CDH12: variants seen among roughly 807,000 people sequenced by gnomAD.
The protein encoded by CDH12 is cadherin 12.
In CDH12, 41 loss-of-function variants were observed where a neutral mutation model predicts 74.1. The observed-to-expected ratio is 0.55, with a 90% CI of 0.43 to 0.72. CDH12 has a LOEUF of 0.72. Ranked by LOEUF, CDH12 falls within the 30% of genes least tolerant of loss-of-function variation. CDH12 has a pLI of 0.00. For missense variants in CDH12, 945 were observed against 977.2 expected (o/e 0.97, Z 0.44); for synonymous variants, 399 against 355.0 (o/e 1.12, Z -1.39).
At chr5:22,557,931 A>G (rs1033970023) in intron 1 of CDH12, among the ~76,000 whole-genome samples, 3 of 152,102 alleles carry the variant, frequency 2.0e-5, no homozygotes, top group Non-Finnish European at 4.4e-5. Context: ...TTTTGTCCAA[A>G]TTATTTATGT....
intron 4 of CDH12, among the ~76,000 whole-genome samples, chr5:22,132,659 G>T (rs1286825690): frequency 6.6e-6 from 1 of 151,976 alleles, no homozygotes; most frequent in Non-Finnish European, 1.5e-5. Context: ...CCCTAGGTGG[G>T]GTTCATACCT....
chr5:22,831,762 G>C (rs1212068870), intron 1 of CDH12, among the ~76,000 whole-genome samples: 1 of 151,974 alleles, frequency 6.6e-6, no homozygotes, highest in African/African-American at 2.4e-5. Flanking sequence ...GCTGGGCGCG[G>C]TGGCGAGCGC....
Position 21,829,671 on chromosome 5 carries a change from T to C in CDH12, c.814+12490A>G, listed in dbSNP as rs112120724. Among the ~76,000 whole-genome samples the C allele has an allele frequency of 3.0e-3, 461 of 152,238 alleles. 1 individual carries two copies. The highest frequency in any genetic ancestry group is 0.011 in the African/African-American group (447 of 41,530). ...ATAGAGAAATGTAAACCATGTGAAA[T>C]AAATGGTGACTTTAGGATGCTTTCA... On this transcript the variant is annotated intron_variant, in intron 8 of 14. Coordinates refer to ENST00000382254, the MANE Select transcript of CDH12 (RefSeq NM_004061.5).
chr5:21,999,369 G>T (rs2150142519), intron 5 of CDH12, among the ~76,000 whole-genome samples: 1 of 152,122 alleles, frequency 6.6e-6, no homozygotes, highest in East Asian at 1.9e-4. Flanking sequence ...TCAAAATGTG[G>T]GTCTAAAAGC....
chr5:22,429,849 T>A (rs896957481), intron 2 of CDH12, among the ~76,000 whole-genome samples: 2 of 152,124 alleles, frequency 1.3e-5, no homozygotes, highest in Non-Finnish European at 2.9e-5. Context: ...AAACAATTGG[T>A]TTTGTATAAT....
intron 3 of CDH12, among the ~76,000 whole-genome samples, chr5:22,390,832 T>G (rs1484786146): frequency 6.6e-6 from 1 of 152,140 alleles, no homozygotes; most frequent in Non-Finnish European, 1.5e-5. Flanking sequence ...ATACATAATC[T>G]TAAACATAAG....
At chr5:22,809,266 C>A (rs1411958790) in intron 1 of CDH12, among the ~76,000 whole-genome samples, 1 of 151,928 alleles carries the variant, frequency 6.6e-6, no homozygotes, top group Non-Finnish European at 1.5e-5. Flanking sequence ...AAAGTTATCA[C>A]AACTTTATCT....
At position 22,469,842 on chromosome 5, in the gene CDH12, C is replaced by G. The variant is rs138935715; in HGVS notation, c.-428+35428G>C. ...CAAACACTCTCCTTGGTAGGAAACA[C>G]AAAAGTCCTTACTGTGCAATCTCAT... On this transcript the variant is annotated intron_variant, in intron 2 of 14. Transcript: ENST00000382254. 7.6e-3 allele frequency among the ~76,000 whole-genome samples: 1,150 copies of G among 152,270 alleles called. 11 individuals carry two copies. The highest frequency in any genetic ancestry group is 0.011 in the Non-Finnish European group (737 of 68,028).
At chr5:22,456,351 T>A (rs1239549331) in intron 2 of CDH12, among the ~76,000 whole-genome samples, 5 of 152,122 alleles carry the variant, frequency 3.3e-5, no homozygotes, top group African/African-American at 1.2e-4. Flanking sequence ...CTCTCATGTG[T>A]CAGTGTGTAT....
intron 7 of CDH12, among the ~76,000 whole-genome samples, chr5:21,847,635 G>GGGTAA (rs1368228327): frequency 6.6e-6 from 1 of 151,976 alleles, no homozygotes; most frequent in African/African-American, 2.4e-5. Context: ...ATTACACGGA[G>GGGTAA]TCTACCCATA....
chr5:22,794,081 C>T (rs1328202993), intron 1 of CDH12, among the ~76,000 whole-genome samples: 1 of 152,150 alleles, frequency 6.6e-6, no homozygotes, highest in African/African-American at 2.4e-5. Flanking sequence ...CTCTCAAACC[C>T]CCCACATCTG....
At chr5:22,686,158 T>A (rs1411152903) in intron 1 of CDH12, among the ~76,000 whole-genome samples, 1 of 152,150 alleles carries the variant, frequency 6.6e-6, no homozygotes, top group African/African-American at 2.4e-5. Context: ...TGATATGGAA[T>A]GTCTTTTTAT....
At chr5:22,310,555 C>A (rs1211633782) in intron 3 of CDH12, among the ~76,000 whole-genome samples, 5 of 151,904 alleles carry the variant, frequency 3.3e-5, no homozygotes, top group Non-Finnish European at 7.4e-5. Flanking sequence ...TAATTTGATT[C>A]CACCACAGTT....
intron 3 of CDH12, among the ~76,000 whole-genome samples, chr5:22,240,228 A>G (rs930185671): frequency 4.6e-5 from 7 of 152,170 alleles, no homozygotes; most frequent in African/African-American, 1.7e-4. Context: ...AAACTGAGAT[A>G]TTGATCATCT....
In CDH12 at chr5:22,828,122, G is replaced by A. The variant is rs542503827; in HGVS notation, c.-523+24936C>T. On this transcript the variant is annotated intron_variant, in intron 1 of 14. Transcript: ENST00000382254. ...GAAATAACTTGTAGCATATGAAAAG[G>A]GCAAATAATCTGATTAGAAAATACA... is the stretch of plus-strand genomic sequence containing the variant. Among the ~76,000 whole-genome samples, 24 of 152,122 alleles carry A rather than the reference G, an allele frequency of 1.6e-4. 1 individual carries two copies. Among genetic ancestry groups the A allele is most frequent in the African/African-American group, 5.8e-4 (24 of 41,512 alleles).
intron 1 of CDH12, among the ~76,000 whole-genome samples, chr5:22,747,165 A>C: frequency 6.6e-6 from 1 of 152,186 alleles, no homozygotes; most frequent in East Asian, 1.9e-4. Flanking sequence ...CCATGTAAAT[A>C]ATTTTTATAT....
At chr5:21,886,347 G>T (rs371358527) in intron 6 of CDH12, among the ~76,000 whole-genome samples, 6 of 151,208 alleles carry the variant, frequency 4.0e-5, no homozygotes, top group Non-Finnish European at 1.5e-5. Flanking sequence ...TAGCTTGTAT[G>T]CTTAGATGTG....
intron 6 of CDH12, among the ~76,000 whole-genome samples, chr5:21,903,626 G>T (rs1345854905): frequency 1.3e-5 from 2 of 152,062 alleles, no homozygotes; most frequent in African/African-American, 2.4e-5. Flanking sequence ...ACCTGTACCG[G>T]TTTCCCCTAT....
intron 1 of CDH12, among the ~76,000 whole-genome samples, chr5:22,827,410 A>G (rs1018493427): frequency 2.0e-5 from 3 of 152,244 alleles, no homozygotes; most frequent in African/African-American, 7.2e-5. Context: ...CATTTTTAAG[A>G]CTATAAAGAA....
Sources: gnomAD v4.1 joint callset for allele counts (sites outside exome capture counted in the v4.1 genomes callset) on GRCh38, gnomAD v4.1.1 for gene constraint, MANE v1.5 for transcripts, NCBI Gene and HGNC (gene_info 2026-07-23, HGNC 2026-07-21) for gene names.